ZNF831: variants seen among roughly 807,000 people sequenced by gnomAD.
ZNF831 encodes zinc finger protein 831, also known as chromosome 20 open reading frame 174.
ZNF831 carries 59 observed loss-of-function variants against 95.8 expected under a neutral mutation model. The ratio of observed to expected loss-of-function variants is 0.62; its 90% confidence interval spans 0.50 to 0.77. ZNF831 has a LOEUF of 0.77. Among genes scored for constraint, ZNF831 ranks in the 30% least tolerant of loss-of-function variants. ZNF831 has a pLI of 0.00. For missense variants in ZNF831, 2,205 were observed against 2,164.0 expected, an observed-to-expected ratio of 1.02 and a Z score of -0.38; for synonymous variants, 961 against 925.5, an observed-to-expected ratio of 1.04 and a Z score of -0.70.
At chr20:59,171,719 T>C (rs1981750433) in intron 1 of ZNF831, among the ~76,000 whole-genome samples, 1 of 152,136 alleles carries the variant, frequency 6.6e-6, no homozygotes. Context: ...AAAGATAAAA[T>C]AAAACTCATT....
At chr20:59,131,736 G>C (rs970431331) in intron 1 of ZNF831, among the ~76,000 whole-genome samples, 5 of 152,202 alleles carry the variant, frequency 3.3e-5, no homozygotes, top group African/African-American at 1.2e-4. Context: ...GCCCCAGGGA[G>C]GTGTGAAGCA....
chr20:59,206,988 G>A lies in ZNF831; in HGVS notation c.3959G>A (p.Arg1320His), dbSNP rs554177244. The change falls in exon 4 of 6, where the codon CGC becomes CAC. Residue 1320 changes from arginine to histidine, a missense_variant. Arg to His is a conservative substitution (Grantham distance 29). Coordinates refer to ENST00000371030, the MANE Select transcript of ZNF831 (RefSeq NM_178457.3). ...RTPTWVRRRS[R>H]HPPALEGLKP... ...CCAACCTGGGTGCGAAGAAGAAGCCGCCACCCTCCCGCACTTGAGGGACTG... is the reference window on the plus strand; with the variant it reads ...CCAACCTGGGTGCGAAGAAGAAGCCACCACCCTCCCGCACTTGAGGGACTG... 4.4e-5 allele frequency: 71 copies of A among 1,614,212 alleles called. No homozygotes were observed. Among genetic ancestry groups the A allele is most frequent in the Non-Finnish European group, 5.6e-5 (66 of 1,180,038 alleles).
chr20:59,171,752 T>C (rs1038752963), intron 1 of ZNF831, among the ~76,000 whole-genome samples: 3 of 152,220 alleles, frequency 2.0e-5, no homozygotes, highest in African/African-American at 7.2e-5. Context: ...ATAGAGACCA[T>C]ACACAAACCC....
intron 1 of ZNF831, among the ~76,000 whole-genome samples, chr20:59,168,448 C>T (rs1039009601): frequency 2.9e-5 from 4 of 136,102 alleles, no homozygotes; most frequent in Admixed American, 7.4e-5. Context: ...CTTATTAGTG[C>T]GAGGAGGTTT....
At chr20:59,135,765 G>A (rs567562160) in intron 1 of ZNF831, among the ~76,000 whole-genome samples, 41 of 152,282 alleles carry the variant, frequency 2.7e-4, no homozygotes, top group Admixed American at 1.9e-3. Context: ...AGGCATGATG[G>A]TGCATGCCTG....
At position 59,253,865 on chromosome 20, in the gene ZNF831, CCCA is replaced by C. The variant is rs757999863; in HGVS notation, c.4189-31_4189-29del. On this transcript the variant is annotated intron_variant, in intron 5 of 5. Transcript: ENST00000371030. ...TTCTTTGTACCAATTAACCTCCCCC[CCCA>C]CTTTTTTTTTCCTTTGCACTTTGTT... The C allele has an allele frequency of 1.5e-4, 168 of 1,130,776 alleles. 6 individuals are homozygous for C. The highest frequency in any genetic ancestry group is 1.8e-4 in the Non-Finnish European group (154 of 842,420). The allele number at this position is 1,130,776 out of a possible 1,614,324, so 70.0% of individuals were successfully genotyped here. A position where few individuals can be genotyped will look rare whatever the true frequency, so the allele number is the denominator to read the frequency against.
chr20:59,138,737 G>C (rs1315857837), intron 1 of ZNF831, among the ~76,000 whole-genome samples: 1 of 152,208 alleles, frequency 6.6e-6, no homozygotes, highest in Non-Finnish European at 1.5e-5. Context: ...CCAGACAGCA[G>C]CTTCTCCATC....
intron 4 of ZNF831, among the ~76,000 whole-genome samples, chr20:59,232,280 C>A (rs114936787): frequency 1.3e-5 from 2 of 151,730 alleles, no homozygotes; most frequent in Non-Finnish European, 2.9e-5. Context: ...AGAAAAAAAC[C>A]GCTTGATAAG....
intron 1 of ZNF831, among the ~76,000 whole-genome samples, chr20:59,139,950 A>G (rs2146443348): frequency 6.6e-6 from 1 of 152,324 alleles, no homozygotes; most frequent in Middle Eastern, 3.4e-3. Context: ...AAGTTATTTC[A>G]CTTGTATTTT....
chr20:59,163,117 A>G (rs566066208), upstream of ZNF831, among the ~76,000 whole-genome samples: 1 of 151,654 alleles, frequency 6.6e-6, no homozygotes, highest in South Asian at 2.1e-4. Context: ...GGTGTATAGA[A>G]ATGCTACTGA....
intron 2 of ZNF831, among the ~76,000 whole-genome samples, chr20:59,157,355 A>G (rs918159891): frequency 1.1e-4 from 17 of 152,186 alleles, no homozygotes; most frequent in Admixed American, 1.0e-3. Context: ...TCCGTGTGCT[A>G]AGGGAAGAGG....
upstream of ZNF831, chr20:59,160,645 G>A (rs910774641): frequency 1.8e-4 from 28 of 152,308 alleles, no homozygotes; most frequent in African/African-American, 6.0e-4. Context: ...CAAAGGTGAA[G>A]GGTGTCCCTG....
At chr20:59,230,244 C>G (rs1986651486) in intron 4 of ZNF831, among the ~76,000 whole-genome samples, 1 of 152,100 alleles carries the variant, frequency 6.6e-6, no homozygotes, top group Admixed American at 6.5e-5. Flanking sequence ...CGCAACTATT[C>G]AATACCATTG....
At chr20:59,149,742 A>G (rs1351212244) in intron 2 of ZNF831, among the ~76,000 whole-genome samples, 1 of 152,204 alleles carries the variant, frequency 6.6e-6, no homozygotes, top group Non-Finnish European at 1.5e-5. Flanking sequence ...TGATGTTGAC[A>G]CTGTGTGGAT....
At chr20:59,229,610 A>G (rs1986619119) in intron 4 of ZNF831, among the ~76,000 whole-genome samples, 1 of 152,166 alleles carries the variant, frequency 6.6e-6, no homozygotes, top group Non-Finnish European at 1.5e-5. Flanking sequence ...CTTTTAATAA[A>G]CAAGTGATTT....
intron 1 of ZNF831, among the ~76,000 whole-genome samples, chr20:59,176,025 C>G (rs980353618): frequency 6.6e-6 from 1 of 152,240 alleles, no homozygotes. Flanking sequence ...CAGGCCTTTA[C>G]TGACATTTCC....
In ZNF831 at chr20:59,217,894, A is replaced by G. The variant is rs1343249596; in HGVS notation, c.4027+10838A>G. ...AATAGATGTGTTCCTCAGCAGAGGC[A>G]CGATGGATCAGCCTGCTCTGGGGGG... On this transcript the variant is annotated intron_variant, in intron 4 of 5. Transcript: ENST00000371030. The surrounding 1 kb of genome is among the most constrained non-coding windows in gnomAD (Gnocchi z 4.4). Among the ~76,000 whole-genome samples, 1 of 152,242 alleles carries G rather than the reference A, an allele frequency of 6.6e-6. No individual in the cohort carries two copies. The highest frequency in any genetic ancestry group is 1.5e-5 in the Non-Finnish European group (1 of 68,044).
chr20:59,194,983 G>T (rs1054529972), intron 2 of ZNF831, among the ~76,000 whole-genome samples: 2 of 152,200 alleles, frequency 1.3e-5, no homozygotes, highest in Non-Finnish European at 2.9e-5. Flanking sequence ...CCAAAGGAAA[G>T]AATTACTGTA....
intron 4 of ZNF831, among the ~76,000 whole-genome samples, chr20:59,237,155 G>C (rs1194762344): frequency 6.6e-6 from 1 of 152,166 alleles, no homozygotes; most frequent in South Asian, 2.1e-4. Context: ...GCCTTTCCTA[G>C]TTAGGGGGCC....
Sources: gnomAD v4.1 joint callset for allele counts (sites outside exome capture counted in the v4.1 genomes callset) on GRCh38, gnomAD v4.1.1 for gene constraint, Gnocchi (gnomAD v3.1) non-coding constraint, MANE v1.5 for transcripts, NCBI Gene and HGNC (gene_info 2026-07-23, HGNC 2026-07-21) for gene names.